RBFOX1: variants seen among roughly 807,000 people sequenced by gnomAD.
The protein encoded by RBFOX1 is RNA binding protein fox-1 homolog 1.
A neutral mutation model predicts 57.7 loss-of-function variants in RBFOX1; 8 were observed. The observed-to-expected ratio is 0.14, with a 90% confidence interval of 0.08 to 0.25. The LOEUF (loss-of-function observed/expected upper bound fraction) is 0.25. Among genes scored for constraint, RBFOX1 ranks in the 10% least tolerant of loss-of-function variants. RBFOX1 has a pLI of 1.00. For missense variants in RBFOX1, 611 were observed against 548.5 expected, an observed-to-expected ratio of 1.11 and a Z score of -1.14; for synonymous variants, 326 against 222.4, an observed-to-expected ratio of 1.47 and a Z score of -4.15.
intron 1 of RBFOX1, among the ~76,000 whole-genome samples, chr16:5,308,785 T>G (rs1031603433): frequency 5.9e-5 from 9 of 152,134 alleles, no homozygotes; most frequent in African/African-American, 2.2e-4. Flanking sequence ...ATATTAAGTA[T>G]ACAGTCAAGT....
intron 4 of RBFOX1, among the ~76,000 whole-genome samples, chr16:7,475,927 C>G (rs1014102845): frequency 6.6e-6 from 1 of 152,110 alleles, no homozygotes; most frequent in Non-Finnish European, 1.5e-5. Flanking sequence ...AGTGTAGTAA[C>G]CTGCAGAAGA....
chr16:5,645,305 C>G (rs9932119), intron 3 of RBFOX1, among the ~76,000 whole-genome samples: 1,999 of 151,596 alleles, frequency 0.013, 33 homozygotes, highest in African/African-American at 0.046. Context: ...GTGAAAGAAG[C>G]TGCACACAAA....
chr16:6,191,938 T>C (rs780909153), intron 1 of RBFOX1, among the ~76,000 whole-genome samples: 1 of 152,206 alleles, frequency 6.6e-6, no homozygotes, highest in Non-Finnish European at 1.5e-5. Flanking sequence ...AAGGGGTTAG[T>C]ATCAGCCTTG....
intron 9 of RBFOX1, among the ~76,000 whole-genome samples, chr16:7,604,502 T>G (rs900672176): frequency 6.6e-6 from 1 of 152,234 alleles, no homozygotes; most frequent in African/African-American, 2.4e-5. Context: ...TCATTTATTT[T>G]CTTTATTTTT....
chr16:5,598,051 C>A (rs978783092), intron 2 of RBFOX1, among the ~76,000 whole-genome samples: 25 of 152,090 alleles, frequency 1.6e-4, no homozygotes, highest in African/African-American at 6.0e-4. Context: ...AATGTTAGTA[C>A]TTTGGGAGGC....
At chr16:7,550,715 A>T (rs911753423) in intron 5 of RBFOX1, among the ~76,000 whole-genome samples, 2 of 152,108 alleles carry the variant, frequency 1.3e-5, no homozygotes, top group Admixed American at 1.3e-4. Context: ...ACTGGAGGGC[A>T]CCTACAGTGA....
At chr16:7,155,732 TATATATAC>T (rs1285027058) in intron 4 of RBFOX1, among the ~76,000 whole-genome samples, 7 of 89,438 alleles carry the variant, frequency 7.8e-5, no homozygotes, top group South Asian at 3.4e-4. Flanking sequence ...TATATATATA[TATATATAC>T]ACACACACAC....
intron 14 of RBFOX1, among the ~76,000 whole-genome samples, chr16:7,691,873 G>T (rs1251088809): frequency 6.6e-6 from 1 of 152,168 alleles, no homozygotes; most frequent in Non-Finnish European, 1.5e-5. Flanking sequence ...GATAAATCAT[G>T]TCGCCATTCT....
At chr16:7,546,602 A>C (rs999144708) in intron 5 of RBFOX1, among the ~76,000 whole-genome samples, 1 of 152,180 alleles carries the variant, frequency 6.6e-6, no homozygotes, top group Non-Finnish European at 1.5e-5. Context: ...AAAATAGATA[A>C]AAATGCAAAG....
chr16:6,799,188 T>G (rs113337073), intron 3 of RBFOX1, among the ~76,000 whole-genome samples: 5,471 of 152,148 alleles, frequency 0.036, 229 homozygotes, highest in South Asian at 0.15. Context: ...AGTGTGCTGA[T>G]GGAGGAGAGC....
chr16:6,651,490 G>T (rs2098595532), intron 2 of RBFOX1, among the ~76,000 whole-genome samples: 1 of 152,070 alleles, frequency 6.6e-6, no homozygotes, highest in African/African-American at 2.4e-5. Context: ...ACCCCTGACT[G>T]CCGGTTCTGT....
chr16:6,685,197 A>C (rs1437082174), intron 3 of RBFOX1, among the ~76,000 whole-genome samples: 2 of 152,074 alleles, frequency 1.3e-5, no homozygotes, highest in Non-Finnish European at 2.9e-5. Flanking sequence ...CCAAAAATAA[A>C]GACAGGAGGT....
chr16:6,185,667 A>C (rs1008106724), intron 1 of RBFOX1, among the ~76,000 whole-genome samples: 2 of 152,242 alleles, frequency 1.3e-5, no homozygotes, highest in African/African-American at 4.8e-5. Flanking sequence ...TTTCACCCCT[A>C]TACACTTGTG....
intron 4 of RBFOX1, among the ~76,000 whole-genome samples, chr16:7,085,121 G>T (rs1318204405): frequency 2.0e-5 from 3 of 152,158 alleles, no homozygotes; most frequent in African/African-American, 7.2e-5. Flanking sequence ...GTGTTTGTGT[G>T]TGTACTTACA....
At chr16:5,440,256 C>A (rs942873387) in intron 1 of RBFOX1, among the ~76,000 whole-genome samples, 3 of 152,174 alleles carry the variant, frequency 2.0e-5, no homozygotes, top group Admixed American at 2.0e-4. Context: ...CTTTAGATAT[C>A]GTTCCAGGTA....
intron 1 of RBFOX1, among the ~76,000 whole-genome samples, chr16:6,185,436 C>T (rs910912133): frequency 5.9e-5 from 9 of 152,126 alleles, no homozygotes; most frequent in Admixed American, 4.6e-4. Context: ...ATGAAGAAAC[C>T]GAAGTTCAGA....
chr16:6,836,187 G>T (rs2093082390), intron 3 of RBFOX1, among the ~76,000 whole-genome samples: 1 of 152,166 alleles, frequency 6.6e-6, no homozygotes, highest in African/African-American at 2.4e-5. Flanking sequence ...TATTGAATAT[G>T]TTAGTCATTT....
rs1555517176 is a variant in RBFOX1, at chr16:7,156,219, C to CGT, written c.27+104121_27+104122insGT. Among the ~76,000 whole-genome samples, 11 of 148,562 alleles carry CGT rather than the reference C, an allele frequency of 7.4e-5. No individual in the cohort carries two copies. The South Asian group carries it at 1.3e-3, about 17-fold the overall frequency. On this transcript the variant is annotated intron_variant, in intron 4 of 15. Transcript: ENST00000550418. Reference sequence around the variant, plus strand: ...CTCAAGACTTGCTACTCTGGAAGTCCATATATATATATACACACACATATA... The same window carrying CGT: ...CTCAAGACTTGCTACTCTGGAAGTCCGTATATATATATATACACACACATATA...
intron 3 of RBFOX1, among the ~76,000 whole-genome samples, chr16:6,966,874 T>G (rs1045126541): frequency 6.8e-6 from 1 of 148,036 alleles, no homozygotes; most frequent in African/African-American, 2.5e-5. Flanking sequence ...CATCTATCCA[T>G]GTATCCATCT....
Sources: allele counts gnomAD v4.1 joint callset (sites outside exome capture counted in the v4.1 genomes callset), GRCh38; gene constraint gnomAD v4.1.1; transcripts MANE v1.5; gene names NCBI Gene and HGNC (gene_info 2026-07-23, HGNC 2026-07-21).